The following NFIA variants were observed in gnomAD, a reference collection of about 807,000 sequenced individuals.
NFIA encodes nuclear factor I A.
In NFIA, 8 loss-of-function variants were observed where a neutral mutation model predicts 62.8. The ratio of observed to expected loss-of-function variants is 0.13; its 90% CI spans 0.07 to 0.23. The LOEUF (loss-of-function observed/expected upper bound fraction) is 0.23. Among genes scored for constraint, NFIA ranks in the 10% least tolerant of loss-of-function variants. The probability of loss-of-function intolerance (pLI) is 1.00; values close to 1 mark genes in which losing one functional copy is unlikely to be tolerated. For synonymous variants in NFIA, 235 were observed against 238.1 expected (o/e 0.99, Z 0.12); for missense variants, 410 against 642.1 (o/e 0.64, Z 3.91).
At chr1:61,181,277 G>T (rs980073247) in intron 2 of NFIA, among the ~76,000 whole-genome samples, 2 of 152,172 alleles carry the variant, frequency 1.3e-5, no homozygotes, top group Non-Finnish European at 2.9e-5. Flanking sequence ...AATTAAATAT[G>T]TATGTGTGAA....
intron 2 of NFIA, among the ~76,000 whole-genome samples, chr1:61,190,488 TCTA>T (rs1651542562): frequency 6.6e-6 from 1 of 152,196 alleles, no homozygotes; most frequent in African/African-American, 2.4e-5. Context: ...GTATTTTCCT[TCTA>T]AAACAGACAC....
intron 3 of NFIA, among the ~76,000 whole-genome samples, chr1:61,312,424 C>G (rs925695177): frequency 6.6e-5 from 10 of 152,108 alleles, no homozygotes; most frequent in African/African-American, 2.2e-4. Context: ...ACCAGGTGAG[C>G]TCCTAAATTG....
At chr1:61,202,908 A>T (rs992382075) in intron 2 of NFIA, among the ~76,000 whole-genome samples, 10 of 152,246 alleles carry the variant, frequency 6.6e-5, no homozygotes, top group African/African-American at 2.4e-4. Context: ...AGCCTCATGT[A>T]AATCACGTCA....
At chr1:61,227,877 G>A (rs1318213920) in intron 2 of NFIA, among the ~76,000 whole-genome samples, 2 of 152,198 alleles carry the variant, frequency 1.3e-5, no homozygotes, top group African/African-American at 4.8e-5. Context: ...GAGGAAAGCT[G>A]TGAATATTTA....
intron 2 of NFIA, among the ~76,000 whole-genome samples, chr1:61,109,603 A>G (rs1477615731): frequency 6.6e-6 from 1 of 151,940 alleles, no homozygotes; most frequent in Non-Finnish European, 1.5e-5. Flanking sequence ...TAATGGTCAA[A>G]AAGTTTTCTG....
intron 2 of NFIA, among the ~76,000 whole-genome samples, chr1:61,170,465 G>A (rs1299732043): frequency 3.3e-5 from 5 of 152,154 alleles, no homozygotes; most frequent in Non-Finnish European, 1.5e-5. Flanking sequence ...CAGAAATCCA[G>A]CTTGCTAATA....
At chr1:61,358,869 G>T (rs1460319820) in intron 5 of NFIA, among the ~76,000 whole-genome samples, 2 of 152,182 alleles carry the variant, frequency 1.3e-5, no homozygotes, top group African/African-American at 4.8e-5. Flanking sequence ...GCTAGAGCCA[G>T]CCGCTTATTC....
chr1:61,449,572 T>C lies in NFIA; in HGVS notation c.1513-5731T>C, dbSNP rs944145168. 4.6e-5 allele frequency among the ~76,000 whole-genome samples: 7 copies of C among 152,312 alleles called. No individual in the cohort carries two copies. In the South Asian group the frequency reaches 1.4e-3, roughly 32 times the overall value. The stretch of plus-strand genomic sequence containing the variant: ...AGCAAAGCCAAGGAGTGGGACAGCC[T>C]GTGCCCAGGCCTGGCAGGGAGAAAG... On this transcript the variant is annotated intron_variant, in intron 10 of 10. Transcript: ENST00000403491.
chr1:61,084,692 C>T (rs552186584), intron 1 of NFIA, among the ~76,000 whole-genome samples: 1 of 152,214 alleles, frequency 6.6e-6, no homozygotes, highest in East Asian at 1.9e-4. Context: ...CTAACAGATA[C>T]ATTAGTGTCT....
At chr1:61,268,052 C>T (rs1164347928) in intron 2 of NFIA, among the ~76,000 whole-genome samples, 1 of 152,194 alleles carries the variant, frequency 6.6e-6, no homozygotes, top group African/African-American at 2.4e-5. Context: ...GCTATGACTG[C>T]AGAATCCCAG....
At chr1:61,155,752 T>C (rs948176323) in intron 2 of NFIA, among the ~76,000 whole-genome samples, 1 of 151,922 alleles carries the variant, frequency 6.6e-6, no homozygotes, top group Admixed American at 6.6e-5. Flanking sequence ...TCAATCCCAA[T>C]TAAAGTTTCA....
chr1:61,439,878 T>C (rs1470010848), intron 10 of NFIA, among the ~76,000 whole-genome samples: 5 of 152,204 alleles, frequency 3.3e-5, no homozygotes, highest in African/African-American at 1.2e-4. Context: ...CTGCTAATTT[T>C]TTTGTGAGGA....
intron 10 of NFIA, among the ~76,000 whole-genome samples, chr1:61,429,933 G>T (rs1667031150): frequency 6.6e-6 from 1 of 152,188 alleles, no homozygotes; most frequent in South Asian, 2.1e-4. Flanking sequence ...AGAATGGTGA[G>T]TTAGTGTTAA....
At chr1:61,109,799 C>T (rs953021354) in intron 2 of NFIA, among the ~76,000 whole-genome samples, 2 of 151,808 alleles carry the variant, frequency 1.3e-5, no homozygotes, top group African/African-American at 4.8e-5. Context: ...GAATTATGTT[C>T]TGGTATTGAT....
intron 2 of NFIA, among the ~76,000 whole-genome samples, chr1:61,162,454 C>T (rs1409989614): frequency 6.6e-6 from 1 of 152,164 alleles, no homozygotes; most frequent in Non-Finnish European, 1.5e-5. Context: ...CTGCCAAAAG[C>T]CACATGCTTA....
At chr1:61,199,057 A>T (rs1652231746) in intron 2 of NFIA, among the ~76,000 whole-genome samples, 21 of 152,210 alleles carry the variant, frequency 1.4e-4, no homozygotes, top group Admixed American at 1.2e-3. Flanking sequence ...CCTTATTTTA[A>T]GGGAGAAGGA....
In NFIA at chr1:61,340,767, A is replaced by G. The variant is rs560129770; in HGVS notation, c.700+8181A>G. Among the ~76,000 whole-genome samples, 124 of 152,278 alleles carry G rather than the reference A, an allele frequency of 8.1e-4. 5 individuals carry two copies. The highest frequency in any genetic ancestry group is 3.5e-3 in the South Asian group (17 of 4,822). ...TTTAGAATTCATGTTCTAACAACCA[A>G]TTATTAGAAGAGCCACTCTAGTGAC... On this transcript the variant is annotated intron_variant, in intron 4 of 10. Coordinates refer to ENST00000403491, the MANE Select transcript of NFIA (RefSeq NM_001134673.4).
chr1:61,224,321 C>CT (rs555499973), intron 2 of NFIA, among the ~76,000 whole-genome samples: 116 of 151,884 alleles, frequency 7.6e-4, no homozygotes, highest in Middle Eastern at 6.8e-3. Flanking sequence ...AAAAAGTGTG[C>CT]TTTTTTGGTG....
intron 7 of NFIA, among the ~76,000 whole-genome samples, chr1:61,390,409 A>T (rs1420373891): frequency 6.6e-6 from 1 of 152,172 alleles, no homozygotes; most frequent in Non-Finnish European, 1.5e-5. Context: ...ACACTAAAGC[A>T]ATCACCATAT....
Sources: gnomAD v4.1 joint callset for allele counts (sites outside exome capture counted in the v4.1 genomes callset) on GRCh38, gnomAD v4.1.1 for gene constraint, MANE v1.5 for transcripts, NCBI Gene and HGNC (gene_info 2026-07-23, HGNC 2026-07-21) for gene names.